The following ZBTB7C variants were observed in gnomAD, a reference collection of about 807,000 sequenced individuals.
ZBTB7C encodes the protein zinc finger and BTB domain containing 7C, also known as zinc finger and BTB domain-containing protein 7C.
In ZBTB7C, 8 loss-of-function variants were observed where a neutral mutation model predicts 25.7. The ratio of observed to expected loss-of-function variants is 0.31; its 90% CI spans 0.18 to 0.56. The LOEUF (loss-of-function observed/expected upper bound fraction) is 0.56, where lower values mean the gene tolerates loss of function less well. ZBTB7C is among the 20% of genes least tolerant of loss of function. The pLI is 0.91. For missense variants in ZBTB7C, 824 were observed against 855.2 expected, an observed-to-expected ratio of 0.96 and a Z score of 0.46; for synonymous variants, 394 against 369.0, an observed-to-expected ratio of 1.07 and a Z score of -0.78.
chr18:48,118,041 G>A (rs2039504505), intron 3 of ZBTB7C, among the ~76,000 whole-genome samples: 2 of 143,532 alleles, frequency 1.4e-5, no homozygotes, highest in South Asian at 2.2e-4. Context: ...AGTCTCACTC[G>A]GTTGCCCGGG....
intron 3 of ZBTB7C, among the ~76,000 whole-genome samples, chr18:48,109,659 G>A (rs1018149537): frequency 1.3e-5 from 2 of 152,174 alleles, no homozygotes; most frequent in African/African-American, 4.8e-5. Flanking sequence ...GGGGAGGAAA[G>A]ACAGCCGAGT....
intron 2 of ZBTB7C, among the ~76,000 whole-genome samples, chr18:48,275,231 C>G (rs532505040): frequency 6.6e-6 from 1 of 152,288 alleles, no homozygotes; most frequent in East Asian, 1.9e-4. Flanking sequence ...TATATGCATG[C>G]TAATGACTGG....
chr18:48,234,864 G>A (rs539315202), intron 2 of ZBTB7C, among the ~76,000 whole-genome samples: 16 of 152,148 alleles, frequency 1.1e-4, no homozygotes, highest in Admixed American at 2.0e-4. Flanking sequence ...TGTGTATTTC[G>A]AAACTAAGTG....
At chr18:48,031,900 G>A (rs1598742007) in intron 4 of ZBTB7C, among the ~76,000 whole-genome samples, 1 of 152,276 alleles carries the variant, frequency 6.6e-6, no homozygotes, top group Admixed American at 6.5e-5. Context: ...TCGGGTGCCT[G>A]TACCCCTGGA....
chr18:48,333,248 T>A (rs1205519368), intron 2 of ZBTB7C, among the ~76,000 whole-genome samples: 1 of 152,176 alleles, frequency 6.6e-6, no homozygotes, highest in Non-Finnish European at 1.5e-5. Context: ...CTGCAAAACT[T>A]AAGGTGATAT....
At chr18:48,307,433 G>A (rs779820547) in intron 2 of ZBTB7C, among the ~76,000 whole-genome samples, 2 of 152,204 alleles carry the variant, frequency 1.3e-5, no homozygotes, top group African/African-American at 2.4e-5. Flanking sequence ...GACTGGTCAG[G>A]GCCCATGCCA....
At chr18:48,199,785 G>A (rs1343241890) in intron 2 of ZBTB7C, among the ~76,000 whole-genome samples, 1 of 152,054 alleles carries the variant, frequency 6.6e-6, no homozygotes, top group South Asian at 2.1e-4. Flanking sequence ...CTAAAAAGTC[G>A]GTCATTTCTC....
chr18:48,083,675 A>T (rs931520503), intron 3 of ZBTB7C, among the ~76,000 whole-genome samples: 2 of 152,194 alleles, frequency 1.3e-5, no homozygotes, highest in Non-Finnish European at 2.9e-5. Context: ...GGAATTTGTC[A>T]TAATGGGGCT....
At chr18:48,132,012 T>C (rs2040000675) in intron 3 of ZBTB7C, among the ~76,000 whole-genome samples, 1 of 152,148 alleles carries the variant, frequency 6.6e-6, no homozygotes, top group African/African-American at 2.4e-5. Flanking sequence ...CAAGTTACCA[T>C]ATGACCCAGC....
intron 1 of ZBTB7C, among the ~76,000 whole-genome samples, chr18:48,382,543 C>G (rs982509805): frequency 1.3e-5 from 2 of 152,188 alleles, no homozygotes; most frequent in Non-Finnish European, 2.9e-5. Context: ...CCCACATCCT[C>G]GGTGACGACA....
intron 2 of ZBTB7C, among the ~76,000 whole-genome samples, chr18:48,336,160 C>T (rs1299413666): frequency 1.3e-5 from 2 of 152,218 alleles, no homozygotes; most frequent in African/African-American, 4.8e-5. Context: ...CACTTAAATG[C>T]AGTCACCATT....
chr18:48,040,556 G>C lies in ZBTB7C; in HGVS notation c.552C>G (p.Ser184Arg), dbSNP rs1294036694. The C allele has an allele frequency of 1.2e-6, 2 of 1,614,074 alleles. No individual in the cohort carries two copies. Among genetic ancestry groups the C allele is most frequent in the Non-Finnish European group, 1.7e-6 (2 of 1,179,988 alleles). Residue 184 changes from serine (S) to arginine (R), a missense_variant, in exon 4 of 5, where the codon AGC becomes AGG. Physicochemically the swap from Ser to Arg is moderately radical, Grantham distance 110. Around this residue, in one of 4 missense-constraint regions of ZBTB7C, gnomAD observed 316 missense variants for 299.2 expected, o/e 1.06. Coordinates refer to ENST00000590800, the MANE Select transcript of ZBTB7C (RefSeq NM_001318841.2). ...CTGTCTTGGAAGGGCTTTGGTGGCA[G>C]CTGATGTCCTGGGGGTCAGGCAAGT... ...QENLPDPQDI[S>R]CHQSPSKTDH...
intron 3 of ZBTB7C, among the ~76,000 whole-genome samples, chr18:48,097,808 T>G (rs1048147298): frequency 1.3e-5 from 2 of 152,162 alleles, no homozygotes; most frequent in Non-Finnish European, 2.9e-5. Flanking sequence ...GTAACAAACC[T>G]TTGTATCCTC....
At chr18:48,320,338 TG>T (rs2046059411) in intron 2 of ZBTB7C, among the ~76,000 whole-genome samples, 1 of 152,066 alleles carries the variant, frequency 6.6e-6, no homozygotes, top group Non-Finnish European at 1.5e-5. Flanking sequence ...CAGGCTGCTG[TG>T]GGGACTTGGC....
At chr18:48,329,278 C>T (rs769826207) in intron 2 of ZBTB7C, among the ~76,000 whole-genome samples, 4 of 152,328 alleles carry the variant, frequency 2.6e-5, no homozygotes, top group East Asian at 1.9e-4. Context: ...CACTTTACAA[C>T]GCAGAAAGGC....
At chr18:48,179,804 C>CT (rs2041831836) in intron 3 of ZBTB7C, among the ~76,000 whole-genome samples, 1 of 137,408 alleles carries the variant, frequency 7.3e-6, no homozygotes, top group East Asian at 2.2e-4. Context: ...CCCTTCCTTC[C>CT]TTATTTCCTT....
intron 2 of ZBTB7C, among the ~76,000 whole-genome samples, chr18:48,242,183 C>T (rs560032502): frequency 2.6e-5 from 4 of 152,082 alleles, no homozygotes; most frequent in African/African-American, 2.4e-5. Context: ...CAATAACAAG[C>T]AGTGAGATTG....
At chr18:48,121,939 A>C (rs1200319544) in intron 3 of ZBTB7C, among the ~76,000 whole-genome samples, 1 of 152,164 alleles carries the variant, frequency 6.6e-6, no homozygotes, top group African/African-American at 2.4e-5. Flanking sequence ...ATGGATGTGG[A>C]GGATACAGCA....
chr18:48,030,120 A>G (rs532285952), intron 4 of ZBTB7C, among the ~76,000 whole-genome samples: 1 of 152,286 alleles, frequency 6.6e-6, no homozygotes, highest in Non-Finnish European at 1.5e-5. Flanking sequence ...ATGCGGAAAA[A>G]GCAGTGTCCT....
Sources: allele counts gnomAD v4.1 joint callset (sites outside exome capture counted in the v4.1 genomes callset), GRCh38; gene constraint gnomAD v4.1.1; regional missense constraint gnomAD v4.1.1; transcripts MANE v1.5; gene names NCBI Gene and HGNC (gene_info 2026-07-23, HGNC 2026-07-21).